KLF17: variants seen among roughly 807,000 people sequenced by gnomAD.
KLF17 encodes the protein Krueppel-like factor 17.
In KLF17, 31 loss-of-function variants were observed where a neutral mutation model predicts 34.2. The observed-to-expected ratio is 0.91, with a 90% CI of 0.68 to 1.22. The LOEUF is 1.22. Among genes scored for constraint, KLF17 ranks in the 50% most tolerant of loss-of-function variants. KLF17 has a pLI of 0.00. For synonymous variants in KLF17, 179 were observed against 186.7 expected, an observed-to-expected ratio of 0.96 and a Z score of 0.34; for missense variants, 478 against 505.2, an observed-to-expected ratio of 0.95 and a Z score of 0.52.
Position 44,130,677 on chromosome 1 carries a change from C to T in KLF17, c.1091C>T (p.Thr364Ile), listed in dbSNP as rs374824606. The T allele has an allele frequency of 1.1e-5, 17 of 1,613,786 alleles. No homozygotes were observed. Among genetic ancestry groups the T allele is most frequent in the African/African-American group, 9.3e-5 (7 of 74,906 alleles). ...RSDHLKQHQKTHRPGPSDPQA... is the reference protein window; with the variant it reads ...RSDHLKQHQKIHRPGPSDPQA... ...GACCATCTCAAGCAACACCAGAAGA[C>T]TCATCGGCCGGGACCCTCAGACCCA... The change falls in exon 3 of 4, where the codon ACT becomes ATT. Residue 364 changes from threonine (T) to isoleucine (I), a missense_variant. Thr to Ile is a moderately conservative substitution (Grantham distance 89). Transcript: ENST00000372299.
At chr1:44,054,836 G>A in the KLF17 span, among the ~76,000 whole-genome samples, 1 of 140,722 alleles carries the variant, frequency 7.1e-6, no homozygotes, top group South Asian at 2.2e-4. Flanking sequence ...CTGGAATGCA[G>A]TGGCCTGATC....
chr1:44,099,845 GAAA>G, the KLF17 span, among the ~76,000 whole-genome samples: 1 of 35,960 alleles, frequency 2.8e-5, no homozygotes, highest in South Asian at 1.2e-3. Flanking sequence ...AAGAAAGAAA[GAAA>G]GAAAGAAAGA....
Position 44,130,686 on chromosome 1 carries a change from C to T in KLF17, c.1100C>T (p.Pro367Leu), listed in dbSNP as rs757312344. 1.8e-5 allele frequency: 29 copies of T among 1,613,292 alleles called. No homozygotes were observed. Among genetic ancestry groups the T allele is most frequent in the South Asian group, 8.8e-5 (8 of 90,938 alleles). ...HLKQHQKTHR[P>L]GPSDPQANNN... Reference sequence around the variant, plus strand: ...AAGCAACACCAGAAGACTCATCGGCCGGGACCCTCAGACCCACAGGCCAAC... The same window carrying T: ...AAGCAACACCAGAAGACTCATCGGCTGGGACCCTCAGACCCACAGGCCAAC... The change falls in exon 3 of 4, where the codon CCG becomes CTG. Residue 367 changes from proline to leucine, a missense_variant. Coordinates refer to ENST00000372299, the MANE Select transcript of KLF17 (RefSeq NM_173484.4).
chr1:44,109,834 A>T, the KLF17 span, among the ~76,000 whole-genome samples: 1 of 151,962 alleles, frequency 6.6e-6, no homozygotes, highest in Non-Finnish European at 1.5e-5. Flanking sequence ...TTATCAAATC[A>T]ACAGTGTTTA....
At chr1:44,127,692 T>TTCTTTCCTTTCTTTC (rs753421834) in intron 1 of KLF17, among the ~76,000 whole-genome samples, 2 of 90,136 alleles carry the variant, frequency 2.2e-5, no homozygotes, top group African/African-American at 1.1e-4. Flanking sequence ...CTTTCTTTCT[T>TTCTTTCCTTTCTTTC]TTTCTTTCTT....
chr1:44,127,692 T>TTTTCTTTCTTTCTTTCTTTCTTTC (rs71036666), intron 1 of KLF17, among the ~76,000 whole-genome samples: 127 of 90,140 alleles, frequency 1.4e-3, no homozygotes, highest in African/African-American at 2.6e-3. Flanking sequence ...CTTTCTTTCT[T>TTTTCTTTCTTTCTTTCTTTCTTTC]TTTCTTTCTT....
the KLF17 span, among the ~76,000 whole-genome samples, chr1:44,108,533 C>T: frequency 6.6e-6 from 1 of 152,004 alleles, no homozygotes; most frequent in Non-Finnish European, 1.5e-5. Context: ...GAGCTTCCCC[C>T]TGGGTAGGCA....
upstream of KLF17, chr1:44,117,308 A>G (rs2087889570): frequency 6.6e-6 from 1 of 152,020 alleles, no homozygotes; most frequent in African/African-American, 2.4e-5. Context: ...TCAGCACAGC[A>G]CACTGCAGCC....
chr1:44,057,467 C>T, the KLF17 span, among the ~76,000 whole-genome samples: 1 of 152,142 alleles, frequency 6.6e-6, no homozygotes, highest in Non-Finnish European at 1.5e-5. Flanking sequence ...AGGGATACAC[C>T]TCCCTTATTT....
chr1:44,087,660 G>A, the KLF17 span, among the ~76,000 whole-genome samples: 1 of 146,290 alleles, frequency 6.8e-6, no homozygotes, highest in Non-Finnish European at 1.5e-5. Flanking sequence ...CCTTCTGGCT[G>A]TCCTCACATG....
At chr1:44,079,583 C>T in the KLF17 span, among the ~76,000 whole-genome samples, 20 of 152,192 alleles carry the variant, frequency 1.3e-4, no homozygotes, top group Admixed American at 3.3e-4. Flanking sequence ...CATTACAAGA[C>T]GTGAGCCACC....
Position 44,122,168 on chromosome 1 carries a change from C to T in KLF17, c.81+3180C>T, listed in dbSNP as rs2087953780. 23 of 1,582,362 alleles carry T rather than the reference C, an allele frequency of 1.5e-5. 1 individual carries two copies. Among genetic ancestry groups the T allele is most frequent in the East Asian group, 2.2e-5 (1 of 44,630 alleles). ...CTGAGAGACATTATCGCCTAGGACC[C>T]CCTCTTCCTCTGCCACGGCCACGTC... On this transcript the variant is annotated intron_variant, in intron 1 of 3. Transcript: ENST00000372299.
intron 1 of KLF17, among the ~76,000 whole-genome samples, chr1:44,120,115 C>G (rs2087929278): frequency 6.6e-6 from 1 of 152,160 alleles, no homozygotes; most frequent in Non-Finnish European, 1.5e-5. Context: ...ACAATAGTGA[C>G]ATTTTCTGAG....
the KLF17 span, among the ~76,000 whole-genome samples, chr1:44,070,146 A>T: frequency 6.6e-6 from 1 of 152,162 alleles, no homozygotes; most frequent in Non-Finnish European, 1.5e-5. Context: ...TATTTTAAAA[A>T]GTCCCCAAAT....
chr1:44,087,763 TATATATAC>T, the KLF17 span, among the ~76,000 whole-genome samples: 730 of 55,770 alleles, frequency 0.013, 1 homozygote, highest in Middle Eastern at 0.025. Flanking sequence ...TATATATATA[TATATATAC>T]ACACACACAC....
upstream of KLF17, chr1:44,115,450 C>CAAAAAAAA (rs34620805): frequency 2.7e-5 from 2 of 74,668 alleles, no homozygotes; most frequent in Admixed American, 1.7e-4. Context: ...GACTCTGTGT[C>CAAAAAAAA]AAAAAAAAAA....
the KLF17 span, among the ~76,000 whole-genome samples, chr1:44,075,146 C>T: frequency 6.6e-6 from 1 of 151,740 alleles, no homozygotes; most frequent in African/African-American, 2.4e-5. Context: ...CACACACATA[C>T]ACGTATACAT....
upstream of KLF17, among the ~76,000 whole-genome samples, chr1:44,117,912 A>G (rs1237870852): frequency 2.0e-5 from 3 of 152,214 alleles, no homozygotes; most frequent in African/African-American, 4.8e-5. Context: ...TTCCTGTTTA[A>G]AAGCATCAGT....
the KLF17 span, among the ~76,000 whole-genome samples, chr1:44,068,489 G>C: frequency 1.3e-5 from 2 of 152,236 alleles, no homozygotes; most frequent in African/African-American, 4.8e-5. Flanking sequence ...CCACCTCCCT[G>C]TTACTGGGGC....
Sources: allele counts gnomAD v4.1 joint callset (sites outside exome capture counted in the v4.1 genomes callset), GRCh38; gene constraint gnomAD v4.1.1; transcripts MANE v1.5; gene names NCBI Gene and HGNC (gene_info 2026-07-23, HGNC 2026-07-21).